JAM3: variants seen among roughly 807,000 people sequenced by gnomAD.
The protein encoded by JAM3 is junctional adhesion molecule 3.
In JAM3, 31 loss-of-function variants were observed where a neutral mutation model predicts 39.4. The observed-to-expected ratio is 0.79, with a 90% CI of 0.59 to 1.06. The LOEUF is 1.06. Ranked by LOEUF, JAM3 falls within the 50% of genes least tolerant of loss-of-function variation. JAM3 has a pLI of 0.00. For synonymous variants in JAM3, 182 were observed against 148.7 expected, an observed-to-expected ratio of 1.22 and a Z score of -1.63; for missense variants, 455 against 391.4, an observed-to-expected ratio of 1.16 and a Z score of -1.37.
intron 1 of JAM3, among the ~76,000 whole-genome samples, chr11:134,133,343 G>T (rs1942803749): frequency 6.6e-6 from 1 of 152,146 alleles, no homozygotes; most frequent in Admixed American, 6.5e-5. Context: ...AATAGAAGTG[G>T]TGAAAGTGGG....
intron 1 of JAM3, among the ~76,000 whole-genome samples, chr11:134,071,520 T>C (rs1166948799): frequency 6.6e-6 from 1 of 152,264 alleles, no homozygotes; most frequent in East Asian, 1.9e-4. Flanking sequence ...ACAAATGTTA[T>C]GCCACATGGC....
chr11:134,114,013 A>G (rs540900443), intron 1 of JAM3, among the ~76,000 whole-genome samples: 47 of 152,172 alleles, frequency 3.1e-4, no homozygotes, highest in African/African-American at 1.0e-3. Context: ...GTCTGTTCAT[A>G]TCCTTTGCCC....
At chr11:134,080,593 A>T (rs58654190) in intron 1 of JAM3, among the ~76,000 whole-genome samples, 1 of 152,188 alleles carries the variant, frequency 6.6e-6, no homozygotes. Context: ...CATATGAGAC[A>T]TGCCTTTTAC....
intron 3 of JAM3, among the ~76,000 whole-genome samples, chr11:134,143,202 C>T (rs561226311): frequency 2.6e-4 from 40 of 152,262 alleles, no homozygotes; most frequent in African/African-American, 8.9e-4. Flanking sequence ...TACGATTTTA[C>T]ACTCCTACCA....
intron 1 of JAM3, among the ~76,000 whole-genome samples, chr11:134,129,122 C>CTTT (rs35267285): frequency 2.2e-5 from 3 of 136,402 alleles, no homozygotes; most frequent in African/African-American, 5.6e-5. Context: ...TCTTCAAGTT[C>CTTT]TTTTTTTTTT....
At chr11:134,090,278 T>G (rs1357504160) in intron 1 of JAM3, among the ~76,000 whole-genome samples, 1 of 152,250 alleles carries the variant, frequency 6.6e-6, no homozygotes, top group Non-Finnish European at 1.5e-5. Flanking sequence ...TGATGGTAGT[T>G]TCTTTTGCTG....
At chr11:134,083,738 T>G (rs949199549) in intron 1 of JAM3, among the ~76,000 whole-genome samples, 1 of 152,184 alleles carries the variant, frequency 6.6e-6, no homozygotes, top group East Asian at 1.9e-4. Context: ...GCTCTGATTT[T>G]AAGCCTCCAT....
intron 1 of JAM3, among the ~76,000 whole-genome samples, chr11:134,075,086 G>A (rs1422330899): frequency 6.8e-6 from 1 of 146,834 alleles, no homozygotes; most frequent in African/African-American, 2.5e-5. Context: ...ATATTTATTT[G>A]GTAGTCTCCA....
At chr11:134,109,637 G>C (rs1293109925) in intron 1 of JAM3, among the ~76,000 whole-genome samples, 1 of 152,220 alleles carries the variant, frequency 6.6e-6, no homozygotes. Context: ...TAAATGGTCA[G>C]TGGTCTGTGC....
At chr11:134,114,203 A>G (rs1942376790) in intron 1 of JAM3, among the ~76,000 whole-genome samples, 2 of 152,076 alleles carry the variant, frequency 1.3e-5, no homozygotes, top group South Asian at 4.1e-4. Context: ...TTTTAATTAG[A>G]TCCCATTTGT....
intron 1 of JAM3, among the ~76,000 whole-genome samples, chr11:134,109,313 C>T (rs776021736): frequency 6.6e-6 from 1 of 152,074 alleles, no homozygotes; most frequent in African/African-American, 2.4e-5. Flanking sequence ...GCAGTGCAAC[C>T]AGGGATGAAA....
At position 134,151,280 on chromosome 11, in the gene JAM3, G is replaced by A. The variant is rs952780942; in HGVS notation, c.*2099G>A. ...AGGCCGCCTGGCAGAGGCAGGAAATGCTCCAGCAGTGGCTCAGTGCTCCCT... is the reference window on the plus strand; with the variant it reads ...AGGCCGCCTGGCAGAGGCAGGAAATACTCCAGCAGTGGCTCAGTGCTCCCT... On this transcript the variant is annotated 3_prime_UTR_variant, in exon 9 of 9. Transcript: ENST00000299106. The A allele has an allele frequency of 2.6e-5, 4 of 152,232 alleles. No individual in the cohort carries two copies. Among genetic ancestry groups the A allele is most frequent in the South Asian group, 2.1e-4 (1 of 4,826 alleles). The allele number at this position is 152,232 out of a possible 1,614,324, so 9.4% of individuals were successfully genotyped here.
Position 134,144,836 on chromosome 11 carries a change from G to A in JAM3, c.454G>A (p.Val152Ile), listed in dbSNP as rs775067031. 12 of 1,614,080 alleles carry A rather than the reference G, an allele frequency of 7.4e-6. No individual in the cohort carries two copies. The highest frequency in any genetic ancestry group is 1.7e-6 in the Non-Finnish European group (2 of 1,180,046). Reference sequence around the variant, plus strand: ...CTGTAGAGTGCCGAAGGCTGTACCAGTAGGCAAGATGGCAACACTGCACTG... The same window carrying A: ...CTGTAGAGTGCCGAAGGCTGTACCAATAGGCAAGATGGCAACACTGCACTG... ...PVCRVPKAVP[V>I]GKMATLHCQE... Residue 152 changes from valine to isoleucine, a missense_variant, in exon 5 of 9, where the codon GTA (valine) becomes ATA (isoleucine). By Grantham distance (29) the Val-to-Ile change is conservative. Coordinates refer to ENST00000299106, the MANE Select transcript of JAM3 (RefSeq NM_032801.5).
chr11:134,124,110 G>T, intron 1 of JAM3: 2 of 1,485,238 alleles, frequency 1.3e-6, no homozygotes, highest in Non-Finnish European at 1.9e-6. Flanking sequence ...CTGATTAGGG[G>T]GTGGAGCTCC....
At chr11:134,110,163 A>G (rs1402382706) in intron 1 of JAM3, among the ~76,000 whole-genome samples, 1 of 152,262 alleles carries the variant, frequency 6.6e-6, no homozygotes, top group Non-Finnish European at 1.5e-5. Flanking sequence ...AAGATTGACT[A>G]TACCTAGTGT....
chr11:134,085,796 T>C (rs576720919), intron 1 of JAM3, among the ~76,000 whole-genome samples: 5 of 152,358 alleles, frequency 3.3e-5, no homozygotes, highest in South Asian at 4.1e-4. Context: ...CAAATATTCA[T>C]TGATAAGAGA....
intron 1 of JAM3, among the ~76,000 whole-genome samples, chr11:134,082,736 A>G (rs1941687491): frequency 6.6e-6 from 1 of 152,162 alleles, no homozygotes; most frequent in South Asian, 2.1e-4. Context: ...AGCAGCACGA[A>G]AATGGACTAA....
chr11:134,084,071 T>C (rs1941708685), intron 1 of JAM3, among the ~76,000 whole-genome samples: 1 of 152,160 alleles, frequency 6.6e-6, no homozygotes, highest in South Asian at 2.1e-4. Flanking sequence ...GATCACAGGA[T>C]TTGTAGCATG....
chr11:134,141,183 G>C (rs1942967155), intron 3 of JAM3, among the ~76,000 whole-genome samples: 1 of 152,070 alleles, frequency 6.6e-6, no homozygotes, highest in African/African-American at 2.4e-5. Flanking sequence ...TTCTGGCTTG[G>C]TGCTGGGGTT....
Sources: gnomAD v4.1 joint callset for allele counts (sites outside exome capture counted in the v4.1 genomes callset) on GRCh38, gnomAD v4.1.1 for gene constraint, MANE v1.5 for transcripts, NCBI Gene and HGNC (gene_info 2026-07-23, HGNC 2026-07-21) for gene names.